The following ADAMTS6 variants were observed in gnomAD, a reference collection of about 807,000 sequenced individuals.
ADAMTS6 encodes the protein ADAM metallopeptidase with thrombospondin type 1 motif 6, also known as A disintegrin and metalloproteinase with thrombospondin motifs 6.
ADAMTS6 carries 23 observed loss-of-function variants against 144.3 expected under a neutral mutation model. The ratio of observed to expected loss-of-function variants is 0.16; its 90% CI spans 0.11 to 0.23. The LOEUF is 0.23. ADAMTS6 is among the 10% of genes least tolerant of loss of function. The pLI, the probability that ADAMTS6 is intolerant of heterozygous loss-of-function variation, is 1.00. For synonymous variants in ADAMTS6, 444 were observed against 457.5 expected (o/e 0.97, Z 0.38); for missense variants, 999 against 1,379.6 (o/e 0.72, Z 4.37).
chr5:65,180,210 T>C (rs1390174115), intron 22 of ADAMTS6, among the ~76,000 whole-genome samples: 1 of 152,160 alleles, frequency 6.6e-6, no homozygotes, highest in African/African-American at 2.4e-5. Context: ...TTAACAAATT[T>C]TTCAGATGAA....
At chr5:65,241,722 A>C (rs1229430309) in intron 15 of ADAMTS6, among the ~76,000 whole-genome samples, 2 of 152,186 alleles carry the variant, frequency 1.3e-5, no homozygotes, top group African/African-American at 4.8e-5. Context: ...ATATTCTTAT[A>C]ACTTGTTTTA....
intron 3 of ADAMTS6, among the ~76,000 whole-genome samples, chr5:65,469,297 A>G (rs1374630664): frequency 3.3e-5 from 5 of 152,120 alleles, no homozygotes; most frequent in African/African-American, 4.8e-5. Flanking sequence ...AATTATCTTC[A>G]TATCTACAAT....
At position 65,473,150 on chromosome 5, in the gene ADAMTS6, C is replaced by G. The variant is rs184952995; in HGVS notation, c.97+427G>C. ...ATTCTAGTCTTTAGATCAGAACTCT[C>G]AGGTTTGCAAAAGTATTTTTTCACA... On this transcript the variant is annotated intron_variant, in intron 2 of 24. Coordinates refer to ENST00000381055, the MANE Select transcript of ADAMTS6 (RefSeq NM_197941.4). Among the ~76,000 whole-genome samples, 7 of 152,216 alleles carry G rather than the reference C, an allele frequency of 4.6e-5. No homozygotes were observed. In the South Asian group the frequency reaches 6.2e-4, roughly 14 times the overall value.
rs531353788 is a variant in ADAMTS6 at position 65,360,404 on chromosome 5, T to C, written c.1074-26319A>G. Among the ~76,000 whole-genome samples, 11 of 152,268 alleles carry C rather than the reference T, an allele frequency of 7.2e-5. No individual in the cohort carries two copies. The South Asian group carries it at 2.3e-3, about 32-fold the overall frequency. ...ATTGAACATGAGATTTGGGTGGGAA[T>C]ACAGATCCAAATCATATCAGTATGT... On this transcript the variant is annotated intron_variant, in intron 7 of 24. Transcript: ENST00000381055.
At chr5:65,370,363 C>A (rs1042188642) in intron 7 of ADAMTS6, among the ~76,000 whole-genome samples, 1 of 152,170 alleles carries the variant, frequency 6.6e-6, no homozygotes, top group Non-Finnish European at 1.5e-5. Flanking sequence ...ATCTGAGGTA[C>A]CGGGTTCATC....
At chr5:65,172,637 T>C (rs1374017084) in intron 23 of ADAMTS6, among the ~76,000 whole-genome samples, 195 bp downstream of exon 23, 5 of 152,112 alleles carry the variant, frequency 3.3e-5, no homozygotes, top group Non-Finnish European at 7.3e-5. Context: ...TGTGGGAGAA[T>C]CACTGGCTCA....
At chr5:65,462,375 T>C (rs1036245961) in intron 3 of ADAMTS6, among the ~76,000 whole-genome samples, 3 of 152,122 alleles carry the variant, frequency 2.0e-5, no homozygotes, top group African/African-American at 7.2e-5. Context: ...TGGGGAAAAA[T>C]GAAGTCAGAA....
intron 7 of ADAMTS6, among the ~76,000 whole-genome samples, chr5:65,344,650 T>C (rs1748152452): frequency 6.6e-6 from 1 of 151,900 alleles, no homozygotes; most frequent in African/African-American, 2.4e-5. Flanking sequence ...ATTTTTCCAT[T>C]ATAAATTCCA....
At chr5:65,294,026 G>A (rs1449481546) in intron 10 of ADAMTS6, among the ~76,000 whole-genome samples, 1 of 152,192 alleles carries the variant, frequency 6.6e-6, no homozygotes, top group East Asian at 1.9e-4. Flanking sequence ...GTACAAATTA[G>A]CAAGGCTTAC....
At chr5:65,413,212 T>C (rs1298012896) in intron 7 of ADAMTS6, among the ~76,000 whole-genome samples, 1 of 152,140 alleles carries the variant, frequency 6.6e-6, no homozygotes, top group Non-Finnish European at 1.5e-5. Context: ...TGAAAATAGT[T>C]TCTGTAAAGG....
At chr5:65,332,254 A>G (rs1055805925) in intron 8 of ADAMTS6, among the ~76,000 whole-genome samples, 2 of 149,584 alleles carry the variant, frequency 1.3e-5, no homozygotes, top group African/African-American at 2.4e-5. Context: ...ACCTTCAAAA[A>G]GCAGAATATA....
At chr5:65,215,012 G>C in intron 19 of ADAMTS6, 80 bp from the exon 20 acceptor site, 1 of 1,495,522 alleles carries the variant, frequency 6.7e-7, no homozygotes. Context: ...TTTTGAAGAA[G>C]AAAATGTCAA....
chr5:65,282,682 T>C (rs1763076736), intron 11 of ADAMTS6, among the ~76,000 whole-genome samples: 1 of 152,126 alleles, frequency 6.6e-6, no homozygotes, highest in Admixed American at 6.6e-5. Context: ...GGTTGGAATT[T>C]GGTATCTTAT....
intron 9 of ADAMTS6, 78 bp from the exon 10 acceptor site, chr5:65,300,209 C>A (rs1743221930): frequency 7.2e-7 from 1 of 1,382,600 alleles, no homozygotes; most frequent in South Asian, 1.3e-5. Context: ...CTTATTTGGC[C>A]ATTTATTAGC....
intron 7 of ADAMTS6, among the ~76,000 whole-genome samples, chr5:65,398,846 AAGAAAAAGAAAG>A (rs1561502049): frequency 1.0e-4 from 15 of 143,822 alleles, no homozygotes; most frequent in African/African-American, 1.7e-4. Flanking sequence ...GAAAGAAAGA[AAGAAAAAGAAAG>A]AGAAAGAAAG....
Position 65,170,762 on chromosome 5 carries a change from C to G in ADAMTS6, c.3099G>C (p.Gln1033His). The change falls in exon 24 of 25, where the codon CAG becomes CAC. Residue 1033 changes from glutamine (Q) to histidine (H), a missense_variant. Around this residue, in one of 3 missense-constraint regions of ADAMTS6, gnomAD observed 619 missense variants for 837.0 expected, o/e 0.74. Coordinates refer to ENST00000381055, the MANE Select transcript of ADAMTS6 (RefSeq NM_197941.4). ...VTGDWGQCSA[Q>H]CGLGQQMRTV... ...TTCTCATCTGCTGTCCAAGGCCACACTGAGCAGAACACTAAATCCAAAGAC... is the reference window on the plus strand; with the variant it reads ...TTCTCATCTGCTGTCCAAGGCCACAGTGAGCAGAACACTAAATCCAAAGAC... The G allele has an allele frequency of 6.2e-7, 1 of 1,611,910 alleles. No homozygotes were observed. Among genetic ancestry groups the G allele is most frequent in the South Asian group, 1.1e-5 (1 of 90,798 alleles).
chr5:65,163,620 G>T (rs1403424781), intron 24 of ADAMTS6, among the ~76,000 whole-genome samples: 1 of 152,160 alleles, frequency 6.6e-6, no homozygotes, highest in Non-Finnish European at 1.5e-5. Context: ...AAAAGAAAGA[G>T]ATCTCTCTTG....
chr5:65,413,401 T>A (rs186380773), intron 7 of ADAMTS6, among the ~76,000 whole-genome samples: 3 of 152,140 alleles, frequency 2.0e-5, no homozygotes, highest in Non-Finnish European at 4.4e-5. Context: ...TCCAAAAACA[T>A]TTCTCATAAC....
At chr5:65,177,768 G>A (rs1432468412) in intron 22 of ADAMTS6, among the ~76,000 whole-genome samples, 4 of 152,208 alleles carry the variant, frequency 2.6e-5, no homozygotes, top group African/African-American at 9.7e-5. Context: ...CCATCTGCAC[G>A]TTAAACAAAA....
Sources: allele counts gnomAD v4.1 joint callset (sites outside exome capture counted in the v4.1 genomes callset), GRCh38; gene constraint gnomAD v4.1.1; regional missense constraint gnomAD v4.1.1; transcripts MANE v1.5; gene names NCBI Gene and HGNC (gene_info 2026-07-23, HGNC 2026-07-21).